The following CEP104 variants were observed in gnomAD, a reference collection of about 807,000 sequenced individuals.
The protein encoded by CEP104 is centrosomal protein 104.
Under a neutral mutation model 113.3 loss-of-function variants are expected in CEP104, and 84 were observed. The observed-to-expected ratio is 0.74, with a 90% CI of 0.62 to 0.89. CEP104 has a LOEUF of 0.89. Among genes scored for constraint, CEP104 ranks in the 40% least tolerant of loss-of-function variants. The pLI, the probability that CEP104 is intolerant of heterozygous loss-of-function variation, is 0.00. For missense variants in CEP104, 1,053 were observed against 1,156.6 expected, an observed-to-expected ratio of 0.91 and a Z score of 1.30; for synonymous variants, 378 against 421.7, an observed-to-expected ratio of 0.90 and a Z score of 1.27.
At chr1:3,838,581 C>G (rs1255907411) in intron 8 of CEP104, among the ~76,000 whole-genome samples, 1 of 152,224 alleles carries the variant, frequency 6.6e-6, no homozygotes, top group East Asian at 1.9e-4. Context: ...GAAATATGTT[C>G]TCAATACACC....
chr1:3,847,602 AGAGACAC>A lies in CEP104; in HGVS notation c.292_298del (p.Val98SerfsTer14). 1 of 1,614,224 alleles carries A rather than the reference AGAGACAC, an allele frequency of 6.2e-7. No homozygotes were observed. Among genetic ancestry groups the A allele is most frequent in the Non-Finnish European group, 8.5e-7 (1 of 1,180,044 alleles). Reference sequence around the variant, plus strand: ...GCAACCTGTCTTTTCATTATCACAGAGAGACACGTAGCTGAAAAACAAAACACAACTG... The same window carrying A: ...GCAACCTGTCTTTTCATTATCACAGAGTAGCTGAAAAACAAAACACAACTG... On this transcript the variant is annotated frameshift_variant, in exon 4 of 22. Coordinates refer to ENST00000378230, the MANE Select transcript of CEP104 (RefSeq NM_014704.4). LOFTEE classifies it high-confidence loss of function.
At chr1:3,840,528 G>A (rs1023071221) in intron 6 of CEP104, among the ~76,000 whole-genome samples, 2 of 152,022 alleles carry the variant, frequency 1.3e-5, no homozygotes, top group African/African-American at 4.8e-5. Context: ...CTGAGCCACT[G>A]CGCCCAGCCT....
chr1:3,843,758 TGTG>T (rs549735965), intron 6 of CEP104, among the ~76,000 whole-genome samples: 203 of 151,862 alleles, frequency 1.3e-3, no homozygotes, highest in African/African-American at 4.6e-3. Context: ...TGGTAAAAAT[TGTG>T]GTGTGTGTTT....
At chr1:3,827,039 C>T (rs1244706074) in intron 15 of CEP104, among the ~76,000 whole-genome samples, 3 of 152,056 alleles carry the variant, frequency 2.0e-5, no homozygotes, top group Admixed American at 6.5e-5. Flanking sequence ...GTAGTCCCAG[C>T]TACTCAGGAG....
At chr1:3,824,487 G>C (rs948074665) in intron 18 of CEP104, among the ~76,000 whole-genome samples, 2 of 152,218 alleles carry the variant, frequency 1.3e-5, no homozygotes, top group Non-Finnish European at 2.9e-5. Flanking sequence ...GACTGGCAAG[G>C]TGGGCAATGC....
intron 6 of CEP104, among the ~76,000 whole-genome samples, chr1:3,840,217 A>G (rs1472334250): frequency 6.6e-6 from 1 of 152,198 alleles, no homozygotes; most frequent in Admixed American, 6.5e-5. Context: ...GCCGTATTTT[A>G]TAACAACACA....
intron 6 of CEP104, among the ~76,000 whole-genome samples, chr1:3,842,173 C>T (rs964275274): frequency 3.9e-5 from 6 of 152,214 alleles, no homozygotes; most frequent in African/African-American, 7.2e-5. Flanking sequence ...CTGCAAGCTC[C>T]GCCTCACGCC....
intron 7 of CEP104, 28 bp downstream of exon 7, chr1:3,839,580 T>C (rs375290810): frequency 8.2e-6 from 13 of 1,592,206 alleles, no homozygotes; most frequent in African/African-American, 2.7e-5. Flanking sequence ...AGGCATAAAT[T>C]AGGAACTGTT....
intron 10 of CEP104, 47 bp from the exon 11 acceptor site, chr1:3,835,139 C>T: frequency 1.4e-6 from 2 of 1,446,472 alleles, no homozygotes; most frequent in Middle Eastern, 1.8e-4. Flanking sequence ...AACCATCCTC[C>T]AACACTACAC....
chr1:3,839,138 G>T lies in CEP104; in HGVS notation c.736-19C>A, dbSNP rs552700495. On this transcript the variant is annotated intron_variant, in intron 7 of 21. Coordinates refer to ENST00000378230, the MANE Select transcript of CEP104 (RefSeq NM_014704.4). ...CACCAACCTGAAGCACAAAATATTTGCTTTTTCTTTCAAATTTGGATCAAC... is the reference window on the plus strand; with the variant it reads ...CACCAACCTGAAGCACAAAATATTTTCTTTTTCTTTCAAATTTGGATCAAC... 145 of 1,612,194 alleles carry T rather than the reference G, an allele frequency of 9.0e-5. No homozygotes were observed. Among genetic ancestry groups the T allele is most frequent in the Non-Finnish European group, 9.9e-5 (117 of 1,178,352 alleles).
At position 3,815,107 on chromosome 1, in the gene CEP104, T is replaced by C. The variant is rs1643859499; in HGVS notation, c.*295A>G. 1.5e-5 allele frequency: 6 copies of C among 388,514 alleles called. No individual in the cohort carries two copies. Among genetic ancestry groups the C allele is most frequent in the Non-Finnish European group, 2.8e-5 (6 of 213,212 alleles). The allele number at this position is 388,514 out of a possible 1,614,324, so 24.1% of individuals were successfully genotyped here. A position where few individuals can be genotyped will look rare whatever the true frequency, so the allele number is the denominator to read the frequency against. ...GCGCCTCCCGGCGGTGCTCTCTGGC[T>C]CTCTCCAAACAGGACGCTTCCTTCT... On this transcript the variant is annotated 3_prime_UTR_variant, in exon 22 of 22. Transcript: ENST00000378230.
At chr1:3,827,692 A>C (rs1323473881) in intron 15 of CEP104, among the ~76,000 whole-genome samples, 2 of 152,228 alleles carry the variant, frequency 1.3e-5, no homozygotes, top group Non-Finnish European at 2.9e-5. Flanking sequence ...AAAAAAGAGA[A>C]AAATCCATCC....
intron 14 of CEP104, 101 bp from the exon 15 acceptor site, chr1:3,829,474 A>ATATCAACTATATTTCTT: frequency 1.3e-6 from 1 of 786,850 alleles, no homozygotes; most frequent in Non-Finnish European, 2.0e-6. Context: ...TATAAATTAT[A>ATATCAACTATATTTCTT]ATATTCACTA....
intron 5 of CEP104, 71 bp from the exon 6 acceptor site, chr1:3,845,054 T>C: frequency 7.7e-7 from 1 of 1,291,486 alleles, no homozygotes; most frequent in Non-Finnish European, 1.1e-6. Flanking sequence ...AACTACAAGA[T>C]TTATTTCATA....
At chr1:3,834,133 T>C in intron 11 of CEP104, 98 bp from the exon 12 acceptor site, 1 of 1,010,148 alleles carries the variant, frequency 9.9e-7, no homozygotes, top group Admixed American at 2.3e-5. Flanking sequence ...GAACATTATA[T>C]CGAAAATGAC....
chr1:3,837,121 C>G, intron 9 of CEP104, 171 bp downstream of exon 9: 1 of 604,874 alleles, frequency 1.7e-6, no homozygotes, highest in Non-Finnish European at 2.9e-6. Flanking sequence ...TAGGCCTATT[C>G]CTTATGTGGC....
chr1:3,834,535 C>T (rs542834720), intron 11 of CEP104, among the ~76,000 whole-genome samples: 2 of 152,232 alleles, frequency 1.3e-5, no homozygotes, highest in Non-Finnish European at 1.5e-5. Flanking sequence ...TGTGCAATGT[C>T]CATTCTTAAG....
rs1034523880 is a variant in CEP104 at position 3,813,190 on chromosome 1, C to G, written c.*2212G>C. 3 of 151,874 alleles carry G rather than the reference C, an allele frequency of 2.0e-5. No homozygotes were observed. Among genetic ancestry groups the G allele is most frequent in the Non-Finnish European group, 2.9e-5 (2 of 67,984 alleles). 9.4% of individuals were successfully genotyped at this position (151,874 alleles called of 1,614,324 possible). On this transcript the variant is annotated 3_prime_UTR_variant, in exon 22 of 22. Coordinates refer to ENST00000378230, the MANE Select transcript of CEP104 (RefSeq NM_014704.4). ...TTTAAAACCAGAAAAAATCATTTTA[C>G]AGACATCTTGGCATCTATACTCTGT...
chr1:3,831,913 C>A (rs546210252), intron 12 of CEP104, among the ~76,000 whole-genome samples: 1 of 152,310 alleles, frequency 6.6e-6, no homozygotes, highest in South Asian at 2.1e-4. Flanking sequence ...CTGTACAAAT[C>A]TAAAAGCTAA....
Sources: gnomAD v4.1 joint callset for allele counts (sites outside exome capture counted in the v4.1 genomes callset) on GRCh38, gnomAD v4.1.1 for gene constraint, MANE v1.5 for transcripts, NCBI Gene and HGNC (gene_info 2026-07-23, HGNC 2026-07-21) for gene names.